ZC3HC1: variants seen among roughly 807,000 people sequenced by gnomAD.
ZC3HC1 encodes the protein zinc finger C3HC-type protein 1.
A neutral mutation model predicts 61.9 loss-of-function variants in ZC3HC1; 38 were observed. The observed-to-expected ratio is 0.61, with a 90% CI of 0.47 to 0.81. The LOEUF (loss-of-function observed/expected upper bound fraction) is 0.81, where lower values mean the gene tolerates loss of function less well. ZC3HC1 is among the 30% of genes least tolerant of loss of function. The pLI is 0.00. For synonymous variants in ZC3HC1, 213 were observed against 229.9 expected, an observed-to-expected ratio of 0.93 and a Z score of 0.67; for missense variants, 554 against 622.7, an observed-to-expected ratio of 0.89 and a Z score of 1.17.
chr7:130,039,344 CAA>C (rs370997337), intron 4 of ZC3HC1, 118 bp downstream of exon 4: 676 of 672,650 alleles, frequency 1.0e-3, no homozygotes, highest in South Asian at 1.5e-3. Context: ...AACTCCATCT[CAA>C]AAAAAAAAAA....
intron 2 of ZC3HC1, 91 bp from the exon 3 acceptor site, chr7:130,041,192 T>G: frequency 7.2e-7 from 1 of 1,392,118 alleles, no homozygotes. Context: ...ACATACTGTT[T>G]TTTTTTTGTT....
At chr7:130,025,617 C>T (rs1180398762) in intron 6 of ZC3HC1, among the ~76,000 whole-genome samples, 2 of 151,668 alleles carry the variant, frequency 1.3e-5, no homozygotes, top group East Asian at 3.9e-4. Flanking sequence ...GCCTGTAATC[C>T]CAGCACTTTG....
At position 130,026,206 on chromosome 7, in the gene ZC3HC1, TG is replaced by T. The variant is rs768718605; in HGVS notation, c.727del (p.Gln243LysfsTer27). On this transcript the variant is annotated frameshift_variant, in exon 6 of 10. Transcript: ENST00000358303. LOFTEE classifies it high-confidence loss of function. ...KTTIKLGSDI[Q>X]VHVTACILSV... Reference sequence around the variant, plus strand: ...GAGAATACAGGCAGTGACGTGGACTTGGATGTCTGAGCCTAATTTGATTGTA... The same window carrying T: ...GAGAATACAGGCAGTGACGTGGACTTGATGTCTGAGCCTAATTTGATTGTA... The T allele has an allele frequency of 6.2e-7, 1 of 1,614,144 alleles. No homozygotes were observed. The highest frequency in any genetic ancestry group is 8.5e-7 in the Non-Finnish European group (1 of 1,180,002).
At chr7:130,039,398 A>T in intron 4 of ZC3HC1, 66 bp downstream of exon 4, 1 of 1,323,380 alleles carries the variant, frequency 7.6e-7, no homozygotes. Flanking sequence ...GTTTTCACAA[A>T]CAGACAATAT....
At chr7:130,019,809 G>GTTTTTTTTTTT (rs754542017) in intron 9 of ZC3HC1, among the ~76,000 whole-genome samples, 1 of 95,798 alleles carries the variant, frequency 1.0e-5, no homozygotes. Flanking sequence ...GCTTTCACAG[G>GTTTTTTTTTTT]TTTTTTTTTT....
intron 2 of ZC3HC1, among the ~76,000 whole-genome samples, chr7:130,047,356 A>C (rs1026155287): frequency 2.6e-5 from 4 of 152,034 alleles, no homozygotes; most frequent in Non-Finnish European, 5.9e-5. Context: ...TTGGCCTCCT[A>C]AAGTGCTAGG....
At chr7:130,050,374 G>A in intron 1 of ZC3HC1, 3 of 1,516,462 alleles carry the variant, frequency 2.0e-6, no homozygotes, top group Admixed American at 2.0e-5. Context: ...CACCGCGCCC[G>A]GCGACAGGCA....
At chr7:130,047,414 A>C (rs183966370) in intron 2 of ZC3HC1, among the ~76,000 whole-genome samples, 1 of 152,258 alleles carries the variant, frequency 6.6e-6, no homozygotes, top group African/African-American at 2.4e-5. Flanking sequence ...TTTCTTGATC[A>C]AAAAAAGGTG....
intron 2 of ZC3HC1, chr7:130,045,511 C>T: frequency 4.4e-6 from 2 of 457,404 alleles, no homozygotes; most frequent in Non-Finnish European, 4.4e-6. Flanking sequence ...AAATGACAGC[C>T]CAGAGAAGAA....
At chr7:130,049,703 C>T (rs984753554) in intron 1 of ZC3HC1, among the ~76,000 whole-genome samples, 1 of 151,742 alleles carries the variant, frequency 6.6e-6, no homozygotes, top group African/African-American at 2.4e-5. Context: ...TACCACCAGG[C>T]GTGGGCCCGG....
At position 130,030,645 on chromosome 7, in the gene ZC3HC1, T is replaced by C. The variant is rs375824656; in HGVS notation, c.494-1616A>G. Among the ~76,000 whole-genome samples the C allele has an allele frequency of 2.0e-5, 3 of 151,924 alleles. No individual in the cohort carries two copies. The East Asian group carries it at 5.8e-4, about 30-fold the overall frequency. ...GTCTTCTCTCAGCCTCAAATTGACA[T>C]TTAGTTGCTCAACAAAGTCACTCAT... On this transcript the variant is annotated intron_variant, in intron 4 of 9. Coordinates refer to ENST00000358303, the MANE Select transcript of ZC3HC1 (RefSeq NM_016478.5).
At position 130,039,489 on chromosome 7, in the gene ZC3HC1, A is replaced by T; in HGVS notation, c.468T>A (p.Cys156Ter). 1.2e-6 allele frequency: 2 copies of T among 1,612,542 alleles called. No homozygotes were observed. Among genetic ancestry groups the T allele is most frequent in the Non-Finnish European group, 8.5e-7 (1 of 1,179,616 alleles). ...KALCTAHEKF[C>*]FWPDSPSPDR... The stretch of plus-strand genomic sequence containing the variant: ...CTGGGGATGGGCTGTCTGGCCAGAA[A>T]CAGAACTTCTCATGGGCAGTACACA... The change falls in exon 4 of 10, where the codon TGT becomes TGA. Residue 156 changes from cysteine (C) to a stop codon, truncating the protein, a stop_gained. Transcript: ENST00000358303. LOFTEE classifies it high-confidence loss of function.
intron 6 of ZC3HC1, 23 bp from the exon 7 acceptor site, chr7:130,024,529 G>C (rs1468634541): frequency 6.3e-7 from 1 of 1,585,722 alleles, no homozygotes; most frequent in Non-Finnish European, 8.6e-7. Flanking sequence ...GAAAAAGAGA[G>C]TTTTCTCAAA....
At chr7:130,044,457 TG>T (rs1415121862) in intron 2 of ZC3HC1, among the ~76,000 whole-genome samples, 3 of 152,164 alleles carry the variant, frequency 2.0e-5, no homozygotes, top group Non-Finnish European at 4.4e-5. Flanking sequence ...AAAGAGGTCA[TG>T]GGTTATGGGA....
intron 2 of ZC3HC1, among the ~76,000 whole-genome samples, chr7:130,044,289 G>A (rs1794788517): frequency 6.6e-6 from 1 of 152,090 alleles, no homozygotes; most frequent in African/African-American, 2.4e-5. Flanking sequence ...CAAAGTGCTG[G>A]GATTACAGGT....
intron 1 of ZC3HC1, 62 bp from the exon 2 acceptor site, chr7:130,049,206 C>T: frequency 8.1e-7 from 1 of 1,227,644 alleles, no homozygotes; most frequent in Non-Finnish European, 1.1e-6. Context: ...TAAATGTTAT[C>T]TAGCTTCTCT....
intron 9 of ZC3HC1, among the ~76,000 whole-genome samples, chr7:130,020,114 C>A (rs1793573692): frequency 6.6e-6 from 1 of 151,800 alleles, no homozygotes; most frequent in Non-Finnish European, 1.5e-5. Flanking sequence ...TGCGCCCGGC[C>A]CACTTTCACA....
intron 2 of ZC3HC1, chr7:130,043,668 G>A (rs1396674925): frequency 3.2e-6 from 1 of 310,072 alleles, no homozygotes; most frequent in East Asian, 9.1e-5. Flanking sequence ...GCCATTAGGC[G>A]GTGAACAAGG....
Position 130,037,218 on chromosome 7 carries a change from C to T in ZC3HC1, c.493+2246G>A, listed in dbSNP as rs556094337. Among the ~76,000 whole-genome samples, 290 of 152,226 alleles carry T rather than the reference C, an allele frequency of 1.9e-3. 2 individuals carry two copies. The highest frequency in any genetic ancestry group is 6.7e-3 in the African/African-American group (280 of 41,544). ...CAGCAATTCTGGAGGCCAAGGCAGG[C>T]GGATCACTTGACGTCAGGAGTTCAA... On this transcript the variant is annotated intron_variant, in intron 4 of 9. Transcript: ENST00000358303.
Sources: gnomAD v4.1 joint callset for allele counts (sites outside exome capture counted in the v4.1 genomes callset) on GRCh38, gnomAD v4.1.1 for gene constraint, MANE v1.5 for transcripts, NCBI Gene and HGNC (gene_info 2026-07-23, HGNC 2026-07-21) for gene names.